Variants in PALM2AKAP2 observed in about 807,000 individuals in gnomAD.
The protein encoded by PALM2AKAP2 is PALM2 and AKAP2 fusion, also known as PALM2-AKAP2 fusion protein.
Under a neutral mutation model 71.5 loss-of-function variants are expected in PALM2AKAP2, and 37 were observed. The observed-to-expected ratio is 0.52, with a 90% CI of 0.40 to 0.68. PALM2AKAP2 has a LOEUF of 0.68. Among genes scored for constraint, PALM2AKAP2 ranks in the 30% least tolerant of loss-of-function variants. The pLI, the probability that PALM2AKAP2 is intolerant of heterozygous loss-of-function variation, is 0.00. For missense variants in PALM2AKAP2, 1,224 were observed against 1,191.8 expected (o/e 1.03, Z -0.40); for synonymous variants, 468 against 478.8 (o/e 0.98, Z 0.29).
chr9:109,826,864 A>G (rs976436275), intron 1 of PALM2AKAP2, among the ~76,000 whole-genome samples: 1 of 152,216 alleles, frequency 6.6e-6, no homozygotes, highest in African/African-American at 2.4e-5. Flanking sequence ...AATTGATCCA[A>G]CACAGCATGA....
intron 6 of PALM2AKAP2, among the ~76,000 whole-genome samples, chr9:110,011,173 A>G (rs1264275830): frequency 1.4e-5 from 2 of 147,070 alleles, no homozygotes; most frequent in Non-Finnish European, 3.0e-5. Flanking sequence ...TTTTATATGT[A>G]TGGAATATAT....
At chr9:109,665,330 C>T (rs1282756842) in intron 1 of PALM2AKAP2, among the ~76,000 whole-genome samples, 3 of 152,100 alleles carry the variant, frequency 2.0e-5, no homozygotes, top group Non-Finnish European at 4.4e-5. Context: ...GTTTTATCTA[C>T]CTTTGGTCTT....
upstream of PALM2AKAP2, chr9:110,048,473 C>G: frequency 1.9e-6 from 1 of 527,832 alleles, no homozygotes; most frequent in Non-Finnish European, 3.3e-6. Context: ...GTCTTTCCCT[C>G]TCTCCAGTCT....
intron 1 of PALM2AKAP2, among the ~76,000 whole-genome samples, chr9:109,773,976 C>T (rs77921786): frequency 0.015 from 2,190 of 146,752 alleles, 63 homozygotes; most frequent in African/African-American, 0.053. Flanking sequence ...GCTAGGCTTT[C>T]CCAATTTCAT....
chr9:109,754,084 G>A (rs373477659), intron 1 of PALM2AKAP2, among the ~76,000 whole-genome samples: 58 of 152,120 alleles, frequency 3.8e-4, no homozygotes, highest in Admixed American at 3.9e-4. Context: ...TACATTAAAA[G>A]TTTTCCCTTG....
intron 3 of PALM2AKAP2, among the ~76,000 whole-genome samples, chr9:109,905,695 G>A (rs1830431594): frequency 6.6e-6 from 1 of 152,212 alleles, no homozygotes; most frequent in Non-Finnish European, 1.5e-5. Context: ...CAGTAATGCA[G>A]CTCAGTAGGT....
chr9:109,815,528 G>A (rs542004699), intron 1 of PALM2AKAP2, among the ~76,000 whole-genome samples: 1 of 152,268 alleles, frequency 6.6e-6, no homozygotes, highest in East Asian at 1.9e-4. Flanking sequence ...GGGAGTCAGG[G>A]TAGACAGAAA....
At chr9:109,956,959 A>G (rs960711321) in intron 6 of PALM2AKAP2, among the ~76,000 whole-genome samples, 4 of 152,214 alleles carry the variant, frequency 2.6e-5, no homozygotes, top group African/African-American at 9.6e-5. Context: ...TTAGAAATAG[A>G]AAGTGACTTG....
chr9:109,688,242 C>A (rs1052450131), intron 1 of PALM2AKAP2, among the ~76,000 whole-genome samples: 2 of 152,216 alleles, frequency 1.3e-5, no homozygotes, highest in African/African-American at 4.8e-5. Context: ...TGCAAACTTT[C>A]AATTTGTAAA....
intron 6 of PALM2AKAP2, among the ~76,000 whole-genome samples, chr9:109,996,656 A>C (rs1293681855): frequency 6.6e-6 from 1 of 152,206 alleles, no homozygotes; most frequent in African/African-American, 2.4e-5. Context: ...TTTCTGACCC[A>C]CTCTCAGATG....
intron 1 of PALM2AKAP2, among the ~76,000 whole-genome samples, chr9:110,088,703 G>GTTTTTTTTTTT (rs71373964): frequency 2.1e-4 from 16 of 75,572 alleles, no homozygotes; most frequent in Admixed American, 3.8e-4. Context: ...GCATTTACGT[G>GTTTTTTTTTTT]TTTTTTTTTT....
intron 6 of PALM2AKAP2, among the ~76,000 whole-genome samples, chr9:109,976,523 G>A (rs1412835192): frequency 6.6e-6 from 1 of 152,174 alleles, no homozygotes; most frequent in African/African-American, 2.4e-5. Context: ...GGTGTTGAAG[G>A]GTGAGTAGAA....
intron 1 of PALM2AKAP2, among the ~76,000 whole-genome samples, chr9:109,670,420 C>G (rs1334061619): frequency 6.6e-6 from 1 of 152,124 alleles, no homozygotes; most frequent in Non-Finnish European, 1.5e-5. Flanking sequence ...GCCTTCAGCT[C>G]CATCCATGTC....
chr9:109,885,559 A>G (rs1829945750), intron 3 of PALM2AKAP2, among the ~76,000 whole-genome samples: 1 of 152,224 alleles, frequency 6.6e-6, no homozygotes, highest in South Asian at 2.1e-4. Flanking sequence ...TTTAATACCT[A>G]GAAACCCCCC....
intron 7 of PALM2AKAP2, among the ~76,000 whole-genome samples, chr9:110,019,194 T>C (rs1564263506): frequency 7.0e-6 from 1 of 142,494 alleles, no homozygotes; most frequent in African/African-American, 2.7e-5. Flanking sequence ...GAGCCGAGTC[T>C]GCGCCACTGC....
intron 2 of PALM2AKAP2, among the ~76,000 whole-genome samples, chr9:109,869,759 A>G (rs765015298): frequency 5.9e-5 from 9 of 152,170 alleles, no homozygotes; most frequent in Non-Finnish European, 1.0e-4. Flanking sequence ...AAACAAGGGA[A>G]TCAGCTAGTT....
At chr9:109,868,451 A>T (rs962234893) in intron 2 of PALM2AKAP2, among the ~76,000 whole-genome samples, 1 of 152,194 alleles carries the variant, frequency 6.6e-6, no homozygotes, top group East Asian at 1.9e-4. Context: ...TTGCTGTGAC[A>T]TTGCCTGCAC....
At chr9:109,997,365 A>G (rs1032411574) in intron 6 of PALM2AKAP2, among the ~76,000 whole-genome samples, 4 of 152,206 alleles carry the variant, frequency 2.6e-5, no homozygotes, top group Non-Finnish European at 5.9e-5. Context: ...GGTAATACAC[A>G]TAAAGGCTAT....
intron 6 of PALM2AKAP2, among the ~76,000 whole-genome samples, chr9:109,995,355 C>G (rs1236249219): frequency 3.3e-5 from 5 of 152,178 alleles, no homozygotes; most frequent in African/African-American, 1.2e-4. Context: ...GTGGGTCTTT[C>G]CATCTTAATC....
Sources: gnomAD v4.1 joint callset for allele counts (sites outside exome capture counted in the v4.1 genomes callset) on GRCh38, gnomAD v4.1.1 for gene constraint, MANE v1.5 for transcripts, NCBI Gene and HGNC (gene_info 2026-07-23, HGNC 2026-07-21) for gene names.